Variants in LRCH1 observed in about 807,000 individuals in gnomAD.
LRCH1 encodes the protein leucine-rich repeat and calponin homology domain-containing protein 1.
A neutral mutation model predicts 94.9 loss-of-function variants in LRCH1; 23 were observed. The ratio of observed to expected loss-of-function variants is 0.24; its 90% CI spans 0.17 to 0.34. The LOEUF (loss-of-function observed/expected upper bound fraction) is 0.34. LRCH1 is among the 10% of genes least tolerant of loss of function. The pLI is 1.00. For missense variants in LRCH1, 790 were observed against 945.9 expected (o/e 0.84, Z 2.16); for synonymous variants, 364 against 354.9 (o/e 1.03, Z -0.29).
At chr13:46,565,134 C>T (rs755908211) in intron 1 of LRCH1, among the ~76,000 whole-genome samples, 21 of 152,148 alleles carry the variant, frequency 1.4e-4, no homozygotes, top group Non-Finnish European at 2.8e-4. Flanking sequence ...ATACATATGT[C>T]AAGTGCTTAG....
At chr13:46,749,195 G>A (rs766848695), downstream of LRCH1, among the ~76,000 whole-genome samples, 11 of 152,152 alleles carry the variant, frequency 7.2e-5, no homozygotes, top group South Asian at 2.1e-4. Flanking sequence ...TCAAAACAGC[G>A]CTACTCAGCC....
intron 16 of LRCH1, among the ~76,000 whole-genome samples, chr13:46,720,769 G>A (rs1468186237): frequency 6.6e-6 from 1 of 152,130 alleles, no homozygotes; most frequent in East Asian, 1.9e-4. Context: ...TAATGGTCCC[G>A]GTGAAGTTAT....
intron 1 of LRCH1, among the ~76,000 whole-genome samples, chr13:46,586,585 T>G (rs997774734): frequency 3.3e-5 from 5 of 151,942 alleles, no homozygotes; most frequent in African/African-American, 7.3e-5. Context: ...ACCCAACTGA[T>G]TGTTGTATTT....
At chr13:46,737,445 G>A (rs1358534344) in intron 19 of LRCH1, among the ~76,000 whole-genome samples, 1 of 152,186 alleles carries the variant, frequency 6.6e-6, no homozygotes, top group East Asian at 1.9e-4. Flanking sequence ...GTAGAAGACA[G>A]TAGTTCTGTT....
At chr13:46,594,663 G>A (rs927448239) in intron 1 of LRCH1, among the ~76,000 whole-genome samples, 7 of 152,084 alleles carry the variant, frequency 4.6e-5, no homozygotes, top group Non-Finnish European at 7.3e-5. Context: ...AAAGTTTCTC[G>A]ATTTGACGGG....
At chr13:46,564,050 G>A (rs1159730987) in intron 1 of LRCH1, among the ~76,000 whole-genome samples, 1 of 152,152 alleles carries the variant, frequency 6.6e-6, no homozygotes, top group Non-Finnish European at 1.5e-5. Flanking sequence ...ATAACAGATG[G>A]TCCAAACCTG....
chr13:46,701,008 C>CG (rs1871439815), intron 10 of LRCH1, 113 bp from the exon 11 acceptor site: 2 of 700,658 alleles, frequency 2.9e-6, no homozygotes, highest in Non-Finnish European at 2.5e-6. Context: ...CTGAATCTGT[C>CG]GAAATCATTT....
At chr13:46,664,162 G>A (rs990164002) in intron 2 of LRCH1, among the ~76,000 whole-genome samples, 1 of 152,074 alleles carries the variant, frequency 6.6e-6, no homozygotes, top group East Asian at 1.9e-4. Context: ...ATTGGTATAT[G>A]TTTTCAGTGA....
rs985992264 is a variant in LRCH1 at position 46,553,356 on chromosome 13, C to T, written c.-41C>T. ...CCTCGCGGGGAACGCTGTGACCCCC[C>T]CGCAGGAGCGGCGGGGCGGGGTGGG... On this transcript the variant is annotated 5_prime_UTR_variant, in exon 1 of 20. Coordinates refer to ENST00000389797, the MANE Select transcript of LRCH1 (RefSeq NM_001164211.2). 1.5e-5 allele frequency: 23 copies of T among 1,493,426 alleles called. No individual in the cohort carries two copies. The highest frequency in any genetic ancestry group is 6.9e-5 in the African/African-American group (5 of 72,052). 92.5% of individuals were successfully genotyped at this position (1,493,426 alleles called of 1,614,324 possible).
chr13:46,558,570 T>TAAAAAAAAAAAAAAAAAAAAAAAAA (rs2050092861), intron 1 of LRCH1, among the ~76,000 whole-genome samples: 1 of 9,314 alleles, frequency 1.1e-4, no homozygotes, highest in Non-Finnish European at 1.6e-4. Flanking sequence ...ACCCTGTGTC[T>TAAAAAAAAAAAAAAAAAAAAAAAAA]ACAAAAAAAA....
At chr13:46,615,208 G>A (rs1439464110) in intron 1 of LRCH1, among the ~76,000 whole-genome samples, 1 of 152,196 alleles carries the variant, frequency 6.6e-6, no homozygotes, top group Non-Finnish European at 1.5e-5. Flanking sequence ...TGCAGGCTCT[G>A]CAAGCATGGC....
chr13:46,657,450 CCA>C (rs1443809601), intron 2 of LRCH1, among the ~76,000 whole-genome samples: 1 of 144,164 alleles, frequency 6.9e-6, no homozygotes, highest in African/African-American at 2.6e-5. Flanking sequence ...ATCACCACCA[CCA>C]CTTTTTTTCT....
intron 1 of LRCH1, among the ~76,000 whole-genome samples, chr13:46,581,156 G>A (rs2050360473): frequency 6.6e-6 from 1 of 152,156 alleles, no homozygotes; most frequent in Non-Finnish European, 1.5e-5. Flanking sequence ...ATGTCATTTG[G>A]AACTTTGCAG....
intron 16 of LRCH1, among the ~76,000 whole-genome samples, chr13:46,718,829 A>G (rs547332345): frequency 3.9e-5 from 6 of 152,386 alleles, no homozygotes; most frequent in African/African-American, 1.2e-4. Context: ...GTTGAGAGCT[A>G]CATTTTAAAA....
At chr13:46,600,769 T>G (rs1276981542) in intron 1 of LRCH1, among the ~76,000 whole-genome samples, 1 of 152,208 alleles carries the variant, frequency 6.6e-6, no homozygotes, top group Admixed American at 6.5e-5. Context: ...TGACTCACAT[T>G]ATTTCATCAT....
chr13:46,696,164 T>C (rs1000622255), intron 9 of LRCH1, among the ~76,000 whole-genome samples: 2 of 151,432 alleles, frequency 1.3e-5, no homozygotes, highest in East Asian at 1.9e-4. Context: ...TCTTACCCAA[T>C]GCTGCACCCG....
At chr13:46,651,514 G>T (rs1478632488) in intron 2 of LRCH1, among the ~76,000 whole-genome samples, 1 of 151,932 alleles carries the variant, frequency 6.6e-6, no homozygotes, top group East Asian at 2.0e-4. Context: ...TACAAAATTA[G>T]CTGGGCGTGG....
chr13:46,746,691 G>A (rs1873926490), downstream of LRCH1, among the ~76,000 whole-genome samples: 2 of 152,188 alleles, frequency 1.3e-5, no homozygotes, highest in Non-Finnish European at 2.9e-5. Flanking sequence ...GGGCCTGCTG[G>A]AAGGGCCACT....
chr13:46,739,417 G>GCCTCT (rs1873543004), intron 19 of LRCH1, among the ~76,000 whole-genome samples: 1 of 152,132 alleles, frequency 6.6e-6, no homozygotes, highest in Non-Finnish European at 1.5e-5. Context: ...GTGAAATTTT[G>GCCTCT]CCTCTTTAAA....
Sources: allele counts gnomAD v4.1 joint callset (sites outside exome capture counted in the v4.1 genomes callset), GRCh38; gene constraint gnomAD v4.1.1; transcripts MANE v1.5; gene names NCBI Gene and HGNC (gene_info 2026-07-23, HGNC 2026-07-21).